PLEKHG5: variants seen among roughly 807,000 people sequenced by gnomAD.
PLEKHG5 encodes pleckstrin homology and RhoGEF domain containing G5.
In PLEKHG5, 52 loss-of-function variants were observed where a neutral mutation model predicts 103.8. That is an observed-to-expected ratio of 0.50 (90% confidence interval 0.40 to 0.63). PLEKHG5 has a LOEUF of 0.63. Among genes scored for constraint, PLEKHG5 ranks in the 30% least tolerant of loss-of-function variants. The pLI is 0.00. For synonymous variants in PLEKHG5, 592 were observed against 575.5 expected (o/e 1.03, Z -0.41); for missense variants, 1,205 against 1,347.6 (o/e 0.89, Z 1.66).
At chr1:6,519,312 G>A (rs1638710721) in intron 1 of PLEKHG5, 2 of 760,024 alleles carry the variant, frequency 2.6e-6, no homozygotes, top group East Asian at 5.0e-5. Context: ...CAGCCTGCAA[G>A]TGGCTCTTAA....
upstream of PLEKHG5, among the ~76,000 whole-genome samples, chr1:6,500,923 G>A (rs1645290308): frequency 6.6e-6 from 1 of 152,218 alleles, no homozygotes; most frequent in African/African-American, 2.4e-5. Context: ...GAGGCCACTT[G>A]GGCTTTGTCC....
At position 6,468,478 on chromosome 1, in the gene PLEKHG5, C is replaced by T. The variant is rs1644464349; in HGVS notation, c.2358G>A (p.Glu786=). The T allele has an allele frequency of 6.2e-7, 1 of 1,613,008 alleles. No individual in the cohort carries two copies. The highest frequency in any genetic ancestry group is 8.5e-7 in the Non-Finnish European group (1 of 1,179,938). Residue 786 remains glutamate, a synonymous_variant, in exon 20 of 21, where the codon GAG becomes GAA. Coordinates refer to ENST00000377728, the MANE Select transcript of PLEKHG5 (RefSeq NM_020631.6). ...DSGPFSSQSD[E]TSLSTTASSA... ...ATGAGGCAGTGGTGCTGAGAGAGGT[C>T]TCATCAGACTGGGAGCTGAAAGGAC...
At chr1:6,492,118 G>C (rs1040823538), upstream of PLEKHG5, among the ~76,000 whole-genome samples, 8 of 152,210 alleles carry the variant, frequency 5.3e-5, no homozygotes, top group Admixed American at 5.2e-4. Context: ...ACGGAGATGG[G>C]GTAGGCCCCA....
chr1:6,482,595 G>A (rs1198169526), intron 1 of PLEKHG5, among the ~76,000 whole-genome samples: 1 of 152,232 alleles, frequency 6.6e-6, no homozygotes, highest in Admixed American at 6.5e-5. Flanking sequence ...CAAGAGGAAA[G>A]TAAAACTCAG....
chr1:6,493,492 G>C (rs553665853), upstream of PLEKHG5, among the ~76,000 whole-genome samples: 9 of 152,160 alleles, frequency 5.9e-5, no homozygotes, highest in Non-Finnish European at 1.3e-4. Flanking sequence ...ATGTGGGCAA[G>C]TTCCTCTACC....
At position 6,473,370 on chromosome 1, in the gene PLEKHG5, A is replaced by C. The variant is rs1205522363; in HGVS notation, c.676T>G (p.Cys226Gly). 1.3e-6 allele frequency: 2 copies of C among 1,549,642 alleles called. No homozygotes were observed. The highest frequency in any genetic ancestry group is 2.7e-5 in the African/African-American group (2 of 73,098). Residue 226 changes from cysteine to glycine, a missense_variant, in exon 8 of 21, where the codon TGC becomes GGC. By Grantham distance (159) the Cys-to-Gly change is radical. Transcript: ENST00000377728. ...PGQEPPTPSS[C>G]SLPSGSSGST... The stretch of plus-strand genomic sequence containing the variant: ...CCACTGCTGCCGCTGGGCAGAGAGC[A>C]GCTGGAGGGCGTGGGGGGCTCCTGC...
rs186799818 is a variant in PLEKHG5, at chr1:6,478,707, G to A, written c.-87-1049C>T. ...TGCCCAGGCTGGAGTGCAATGGCAC[G>A]ATCTCAGCTCACTGCATCCTCCGCC... On this transcript the variant is annotated intron_variant, in intron 1 of 20. Transcript: ENST00000377728. Among the ~76,000 whole-genome samples the A allele has an allele frequency of 8.0e-3, 1,222 of 152,052 alleles. 7 individuals carry two copies. Among genetic ancestry groups the A allele is most frequent in the Non-Finnish European group, 0.014 (942 of 67,976 alleles).
upstream of PLEKHG5, among the ~76,000 whole-genome samples, chr1:6,496,012 C>A (rs1315228072): frequency 6.6e-6 from 1 of 152,214 alleles, no homozygotes; most frequent in Admixed American, 6.5e-5. Context: ...GATCAACTGG[C>A]CCCTTCCTCC....
chr1:6,471,808 G>A lies in PLEKHG5; in HGVS notation c.1081C>T (p.Leu361=). Residue 361 remains leucine (L), a splice_region_variant and synonymous_variant, in exon 11 of 21, where the codon CTG becomes TTG. Transcript: ENST00000377728. ...AGGTTCAGGAGGCAGCACAGGAACA[G>A]CTGTGGGATCAGGGGATGGTGTGAC... The part of the protein sequence containing the change: ...YIRKLRVIIN[L]FLCCLLNLQE... The A allele has an allele frequency of 6.2e-7, 1 of 1,607,312 alleles. No individual in the cohort carries two copies. The highest frequency in any genetic ancestry group is 8.5e-7 in the Non-Finnish European group (1 of 1,177,020).
chr1:6,513,361 T>C (rs1638529092), intron 1 of PLEKHG5, among the ~76,000 whole-genome samples: 1 of 152,264 alleles, frequency 6.6e-6, no homozygotes. Context: ...AGTAGGACCA[T>C]GCCCAGAGGG....
At chr1:6,495,119 G>C (rs913332583), upstream of PLEKHG5, among the ~76,000 whole-genome samples, 3 of 152,364 alleles carry the variant, frequency 2.0e-5, no homozygotes, top group South Asian at 6.2e-4. Flanking sequence ...CTTCAGGTCA[G>C]GCAAAAGCCT....
At position 6,467,249 on chromosome 1, in the gene PLEKHG5, C is replaced by T. The variant is rs1644406986; in HGVS notation, c.*314G>A. On this transcript the variant is annotated 3_prime_UTR_variant, in exon 21 of 21. Transcript: ENST00000377728. ...GGGGGCAGGGCAGGAGTGAATCCCA[C>T]TGGAGGCCAGTGAGGGTAGAAGTAG... is the stretch of plus-strand genomic sequence containing the variant. 5.5e-6 allele frequency: 3 copies of T among 540,638 alleles called. No individual in the cohort carries two copies. The highest frequency in any genetic ancestry group is 1.0e-5 in the Non-Finnish European group (3 of 296,124). The allele number at this position is 540,638 out of a possible 1,614,324, so 33.5% of individuals were successfully genotyped here.
upstream of PLEKHG5, chr1:6,497,294 T>C (rs766069073): frequency 1.5e-3 from 1,529 of 1,015,890 alleles, 23 homozygotes; most frequent in South Asian, 0.021. The surrounding 1 kb of genome is among the most constrained non-coding windows in gnomAD (Gnocchi z 6.1). Context: ...CCGCCCCGCG[T>C]CCGCCGGGTC....
At chr1:6,482,683 C>T (rs1188271408) in intron 1 of PLEKHG5, among the ~76,000 whole-genome samples, 1 of 152,058 alleles carries the variant, frequency 6.6e-6, no homozygotes, top group African/African-American at 2.4e-5. Flanking sequence ...GGCTCTGGAT[C>T]CCAGATTATT....
intron 1 of PLEKHG5, among the ~76,000 whole-genome samples, chr1:6,516,880 A>G (rs1236034925): frequency 1.6e-4 from 2 of 12,384 alleles, no homozygotes; most frequent in East Asian, 6.6e-3. Flanking sequence ...ATATATATAT[A>G]TATATACACA....
At chr1:6,516,866 G>GTGTGTGTATATATATA (rs1288870331) in intron 1 of PLEKHG5, among the ~76,000 whole-genome samples, 3 of 25,828 alleles carry the variant, frequency 1.2e-4, no homozygotes, top group African/African-American at 2.0e-4. Flanking sequence ...GTATATATGT[G>GTGTGTGTATATATATA]TATATATATA....
At chr1:6,492,027 G>T (rs1645157372), upstream of PLEKHG5, among the ~76,000 whole-genome samples, 1 of 152,198 alleles carries the variant, frequency 6.6e-6, no homozygotes, top group African/African-American at 2.4e-5. Context: ...GGCTCTGACA[G>T]AGAGGCCTGG....
In PLEKHG5 at chr1:6,470,583, G is replaced by C. The variant is rs201897770; in HGVS notation, c.1603C>G (p.Arg535Gly). 6.3e-7 allele frequency: 1 copy of C among 1,598,374 alleles called. No homozygotes were observed. Among genetic ancestry groups the C allele is most frequent in the Non-Finnish European group, 8.5e-7 (1 of 1,177,744 alleles). ...CTCACCACGGCCGCCAGCCGCTGCC[G>C]CTCCTGCCGCTGCCGCATGCACGCG... ...VNACMRQRQERQRLAAVVSRI... is the reference protein window; with the variant it reads ...VNACMRQRQEGQRLAAVVSRI... Residue 535 changes from arginine (R) to glycine (G), a missense_variant, in exon 15 of 21, where the codon CGG becomes GGG. Physicochemically the swap from Arg to Gly is moderately radical, Grantham distance 125. Coordinates refer to ENST00000377728, the MANE Select transcript of PLEKHG5 (RefSeq NM_020631.6).
rs1188071525 is a variant in PLEKHG5, at chr1:6,487,967, C to T, written c.-88+3670G>A. ...AAGGACATGGGGACAGGAAAGGGCT[C>T]GGCCAGGATATCCCTTCCTGTGGCC... On this transcript the variant is annotated intron_variant, in intron 1 of 20. Transcript: ENST00000377728. The surrounding 1 kb of genome is among the most constrained non-coding windows in gnomAD (Gnocchi z 4.1). Among the ~76,000 whole-genome samples the T allele has an allele frequency of 6.6e-6, 1 of 152,186 alleles. No individual in the cohort carries two copies. Among genetic ancestry groups the T allele is most frequent in the Admixed American group, 6.5e-5 (1 of 15,286 alleles).
Sources: gnomAD v4.1 joint callset for allele counts (sites outside exome capture counted in the v4.1 genomes callset) on GRCh38, gnomAD v4.1.1 for gene constraint, Gnocchi (gnomAD v3.1) non-coding constraint, MANE v1.5 for transcripts, NCBI Gene and HGNC (gene_info 2026-07-23, HGNC 2026-07-21) for gene names.